KPNA4: variants seen among roughly 807,000 people sequenced by gnomAD.
The protein encoded by KPNA4 is karyopherin subunit alpha 4.
A neutral mutation model predicts 71.3 loss-of-function variants in KPNA4; 13 were observed. The observed-to-expected ratio is 0.18, with a 90% CI of 0.12 to 0.29. The LOEUF is 0.29. Ranked by LOEUF, KPNA4 falls within the 10% of genes least tolerant of loss-of-function variation. KPNA4 has a pLI of 1.00. For missense variants in KPNA4, 334 were observed against 603.2 expected, an observed-to-expected ratio of 0.55 and a Z score of 4.67; for synonymous variants, 189 against 195.2, an observed-to-expected ratio of 0.97 and a Z score of 0.26.
At position 160,497,545 on chromosome 3, in the gene KPNA4, GT is replaced by G. The variant is rs1246714283; in HGVS notation, c.*4558del. Reference sequence around the variant, plus strand: ...ACTTTATTAATGTGCTTATTAAAAAGTTTAGGGAAAACTTTAAGTGTTCAAA... The same window carrying G: ...ACTTTATTAATGTGCTTATTAAAAAGTTAGGGAAAACTTTAAGTGTTCAAA... On this transcript the variant is annotated 3_prime_UTR_variant, in exon 17 of 17. Coordinates refer to ENST00000334256, the MANE Select transcript of KPNA4 (RefSeq NM_002268.5). 1 of 152,142 alleles carries G rather than the reference GT, an allele frequency of 6.6e-6. No homozygotes were observed. Among genetic ancestry groups the G allele is most frequent in the Non-Finnish European group, 1.5e-5 (1 of 68,030 alleles). The allele number at this position is 152,142 out of a possible 1,614,324, so 9.4% of individuals were successfully genotyped here.
intron 5 of KPNA4, among the ~76,000 whole-genome samples, chr3:160,532,216 A>G (rs918540032): frequency 2.0e-5 from 3 of 152,212 alleles, no homozygotes; most frequent in African/African-American, 4.8e-5. Context: ...GAGTTCAGAG[A>G]AAAAAATGGG....
At chr3:160,540,366 A>T (rs1721775476) in intron 1 of KPNA4, among the ~76,000 whole-genome samples, 1 of 152,156 alleles carries the variant, frequency 6.6e-6, no homozygotes, top group Non-Finnish European at 1.5e-5. Flanking sequence ...TGATAATTTG[A>T]AACTACTAAT....
intron 1 of KPNA4, among the ~76,000 whole-genome samples, chr3:160,539,048 C>A (rs1324404632): frequency 1.3e-5 from 2 of 152,158 alleles, no homozygotes; most frequent in African/African-American, 4.8e-5. Flanking sequence ...CTTAGTATTA[C>A]TGCTGCTGCT....
At chr3:160,508,491 G>T (rs1387179266) in intron 14 of KPNA4, among the ~76,000 whole-genome samples, 1 of 151,934 alleles carries the variant, frequency 6.6e-6, no homozygotes. Flanking sequence ...TAAAATAAAG[G>T]AATCACTCAA....
intron 1 of KPNA4, among the ~76,000 whole-genome samples, chr3:160,540,578 G>A (rs1721779166): frequency 6.6e-6 from 1 of 152,168 alleles, no homozygotes; most frequent in Admixed American, 6.5e-5. Flanking sequence ...ATTTGGGCAT[G>A]TTTTTTACTC....
At position 160,495,086 on chromosome 3, in the gene KPNA4, G is replaced by C. The variant is rs531331228; in HGVS notation, c.*7018C>G. On this transcript the variant is annotated 3_prime_UTR_variant, in exon 17 of 17. Transcript: ENST00000334256. ...GTTTACAGAACTTTGCTTATATGCC[G>C]ACCTTGCCCTTAAGGAGCTTACAAT... 2 of 152,124 alleles carry C rather than the reference G, an allele frequency of 1.3e-5. No individual in the cohort carries two copies. Among genetic ancestry groups the C allele is most frequent in the African/African-American group, 2.4e-5 (1 of 41,404 alleles). 9.4% of individuals were successfully genotyped at this position (152,124 alleles called of 1,614,324 possible).
At chr3:160,513,164 AAC>A (rs549061183) in intron 13 of KPNA4, among the ~76,000 whole-genome samples, 15 of 152,122 alleles carry the variant, frequency 9.9e-5, no homozygotes, top group Non-Finnish European at 1.6e-4. Context: ...ATTTACAGGA[AAC>A]ACAGAGAAAC....
chr3:160,556,543 G>A (rs920441224), intron 1 of KPNA4, among the ~76,000 whole-genome samples: 16 of 152,156 alleles, frequency 1.1e-4, no homozygotes, highest in African/African-American at 3.6e-4. Flanking sequence ...TATGTGAAAT[G>A]CTTGGGAACA....
At chr3:160,533,066 C>A (rs533649764) in intron 5 of KPNA4, among the ~76,000 whole-genome samples, 4 of 152,200 alleles carry the variant, frequency 2.6e-5, no homozygotes, top group Non-Finnish European at 4.4e-5. Flanking sequence ...GTCTGTCACT[C>A]AGGCTGGAGT....
chr3:160,525,834 G>A lies in KPNA4; in HGVS notation c.737C>T (p.Ala246Val). ...PMETIQEILP[A>V]LCVLIHHTDV... ...TGTGTGATGAATTAAAACACAAAGG[G>A]CTGGAAGAATCTGAGGAGAGAAATA... is the stretch of plus-strand genomic sequence containing the variant. The change falls in exon 10 of 17, where the codon GCC (alanine) becomes GTC (valine). Residue 246 changes from alanine to valine, a missense_variant. Ala to Val is a moderately conservative substitution (Grantham distance 64). Transcript: ENST00000334256. 6.4e-7 allele frequency: 1 copy of A among 1,568,716 alleles called. No homozygotes were observed. The highest frequency in any genetic ancestry group is 8.6e-7 in the Non-Finnish European group (1 of 1,157,320).
Position 160,525,929 on chromosome 3 carries a change from A to T in KPNA4, c.726+9T>A. ...GTATCTCTTTTAATTTTTTTTTAAA[A>T]GTGTTTACCTCCTGAATGGTTTCCA... On this transcript the variant is annotated intron_variant, in intron 9 of 16. Transcript: ENST00000334256. 1 of 1,544,108 alleles carries T rather than the reference A, an allele frequency of 6.5e-7. No homozygotes were observed. The highest frequency in any genetic ancestry group is 1.3e-5 in the South Asian group (1 of 75,706).
chr3:160,511,894 T>C (rs1388806926), intron 13 of KPNA4, among the ~76,000 whole-genome samples: 1 of 151,928 alleles, frequency 6.6e-6, no homozygotes, highest in Non-Finnish European at 1.5e-5. Flanking sequence ...TGCTAATGTT[T>C]TTAGGAAGAT....
chr3:160,532,154 T>C (rs1721588589), intron 5 of KPNA4, among the ~76,000 whole-genome samples: 2 of 152,232 alleles, frequency 1.3e-5, no homozygotes, highest in Non-Finnish European at 2.9e-5. Context: ...TTGTGACTTA[T>C]AAAAAGAAAA....
chr3:160,552,263 G>GAAA, intron 1 of KPNA4, among the ~76,000 whole-genome samples: 1 of 152,022 alleles, frequency 6.6e-6, no homozygotes, highest in East Asian at 1.9e-4. Flanking sequence ...TCTATCAAGA[G>GAAA]AAAAAATTGA....
At chr3:160,537,342 C>G (rs1196634951) in intron 1 of KPNA4, among the ~76,000 whole-genome samples, 1 of 151,546 alleles carries the variant, frequency 6.6e-6, no homozygotes, top group African/African-American at 2.4e-5. Flanking sequence ...CTGTTTTTTA[C>G]CTTGTTTTGG....
intron 1 of KPNA4, among the ~76,000 whole-genome samples, chr3:160,562,854 A>G (rs1458980933): frequency 6.6e-6 from 1 of 152,244 alleles, no homozygotes; most frequent in Admixed American, 6.5e-5. Flanking sequence ...GTCACACATC[A>G]CAATATTCTT....
intron 1 of KPNA4, among the ~76,000 whole-genome samples, chr3:160,547,436 T>C (rs964849670): frequency 1.3e-5 from 2 of 152,208 alleles, no homozygotes; most frequent in Non-Finnish European, 2.9e-5. Context: ...CAAGCAGTTT[T>C]AGGTTTACAG....
chr3:160,548,391 A>G (rs1721970488), intron 1 of KPNA4, among the ~76,000 whole-genome samples: 1 of 152,186 alleles, frequency 6.6e-6, no homozygotes. Flanking sequence ...ATTGTTGTGC[A>G]TCAAATCTCC....
At chr3:160,542,255 A>G (rs1014982577) in intron 1 of KPNA4, among the ~76,000 whole-genome samples, 1 of 152,224 alleles carries the variant, frequency 6.6e-6, no homozygotes, top group Admixed American at 6.5e-5. Flanking sequence ...TATCATCACA[A>G]CCCAAACACA....
Sources: allele counts gnomAD v4.1 joint callset (sites outside exome capture counted in the v4.1 genomes callset), GRCh38; gene constraint gnomAD v4.1.1; transcripts MANE v1.5; gene names NCBI Gene and HGNC (gene_info 2026-07-23, HGNC 2026-07-21).